Variants in FOCAD observed in about 807,000 individuals in gnomAD.
The protein encoded by FOCAD is focadhesin.
Under a neutral mutation model 225.6 loss-of-function variants are expected in FOCAD, and 198 were observed. The ratio of observed to expected loss-of-function variants is 0.88; its 90% CI spans 0.78 to 0.99. The LOEUF is 0.99. FOCAD is among the 50% of genes least tolerant of loss of function. The pLI is 0.00. For missense variants in FOCAD, 2,713 were observed against 2,123.6 expected, an observed-to-expected ratio of 1.28 and a Z score of -5.46; for synonymous variants, 897 against 755.0, an observed-to-expected ratio of 1.19 and a Z score of -3.08.
At chr9:20,687,991 A>T (rs1822763046) in intron 1 of FOCAD, among the ~76,000 whole-genome samples, 1 of 152,212 alleles carries the variant, frequency 6.6e-6, no homozygotes, top group Non-Finnish European at 1.5e-5. Flanking sequence ...CATTCTGGGC[A>T]CAAGAAAGCA....
intron 15 of FOCAD, among the ~76,000 whole-genome samples, chr9:20,839,124 A>G (rs79370176): frequency 0.014 from 2,079 of 151,916 alleles, 30 homozygotes; most frequent in Non-Finnish European, 0.024. Flanking sequence ...TTGTGTGCCT[A>G]TATAGGGGTG....
chr9:20,813,703 G>T (rs1823335502), intron 11 of FOCAD, among the ~76,000 whole-genome samples: 1 of 152,170 alleles, frequency 6.6e-6, no homozygotes, highest in African/African-American at 2.4e-5. Flanking sequence ...ACATGCTGTT[G>T]CTGTTGGGTA....
intron 42 of FOCAD, among the ~76,000 whole-genome samples, chr9:20,991,299 C>T (rs1841650192): frequency 1.3e-5 from 2 of 152,094 alleles, no homozygotes; most frequent in African/African-American, 4.8e-5. Flanking sequence ...CTCATTTAAT[C>T]AAAACTGGAT....
intron 5 of FOCAD, among the ~76,000 whole-genome samples, chr9:20,756,351 A>G (rs1282086889): frequency 2.0e-5 from 3 of 152,144 alleles, no homozygotes; most frequent in Non-Finnish European, 4.4e-5. Flanking sequence ...AGTGTCAGAG[A>G]GGTGTTTCAC....
rs369373924 is a variant in FOCAD, at chr9:20,950,975, C to T, written c.3949-21C>T. 68 of 1,591,362 alleles carry T rather than the reference C, an allele frequency of 4.3e-5. No individual in the cohort carries two copies. The African/African-American group carries it at 8.1e-4, about 19-fold the overall frequency. Reference sequence around the variant, plus strand: ...ACTTGGATCTTATCCCATCATTGAACTGTTACCTTTTTATTTGTAGGTCAT... The same window carrying T: ...ACTTGGATCTTATCCCATCATTGAATTGTTACCTTTTTATTTGTAGGTCAT... On this transcript the variant is annotated intron_variant, in intron 33 of 43. Coordinates refer to ENST00000338382, the MANE Select transcript of FOCAD (RefSeq NM_001375567.1).
At chr9:20,866,888 CTTTTTTTTTTTTTTTTTTT>C (rs10629839) in intron 17 of FOCAD, 22 bp from the exon 18 acceptor site, 4 of 342,128 alleles carry the variant, frequency 1.2e-5, no homozygotes, top group South Asian at 3.7e-5. Flanking sequence ...TGTTTGCTTG[CTTTTTTTTTTTTTTTTTTT>C]TTTTTTTTTT....
In FOCAD at chr9:20,829,491, G is replaced by A. The variant is rs190901048; in HGVS notation, c.1920+6376G>A. ...ATGTAGTTTTCATTTGCATTTCCCC[G>A]ATGACTAATATTGAGCATCTTTTCC... is the stretch of plus-strand genomic sequence containing the variant. On this transcript the variant is annotated intron_variant, in intron 15 of 43. Transcript: ENST00000338382. Among the ~76,000 whole-genome samples the A allele has an allele frequency of 3.2e-3, 493 of 151,796 alleles. 20 individuals are homozygous for A. Among genetic ancestry groups the A allele is most frequent in the Admixed American group, 0.03 (456 of 15,222 alleles).
chr9:20,903,091 G>A (rs1326099498), intron 21 of FOCAD, among the ~76,000 whole-genome samples: 1 of 151,878 alleles, frequency 6.6e-6, no homozygotes, highest in Non-Finnish European at 1.5e-5. Flanking sequence ...GTCAAGATGA[G>A]AAGGTTCTAC....
At chr9:20,700,363 AAC>A (rs1419103697) in intron 1 of FOCAD, among the ~76,000 whole-genome samples, 1 of 152,132 alleles carries the variant, frequency 6.6e-6, no homozygotes, top group Non-Finnish European at 1.5e-5. Flanking sequence ...ACAGTGAAGA[AAC>A]AGTCTTGTTA....
At chr9:20,781,149 T>C (rs997523214) in intron 9 of FOCAD, among the ~76,000 whole-genome samples, 1 of 152,260 alleles carries the variant, frequency 6.6e-6, no homozygotes, top group African/African-American at 2.4e-5. Flanking sequence ...AAATCAGTTA[T>C]TGTATAACTG....
intron 30 of FOCAD, 44 bp from the exon 31 acceptor site, chr9:20,948,225 CTT>C: frequency 2.2e-6 from 3 of 1,393,474 alleles, no homozygotes; most frequent in Non-Finnish European, 2.9e-6. Context: ...AAATCTGTGT[CTT>C]TTTTTTTTCT....
In FOCAD at chr9:20,995,652, C is replaced by T; in HGVS notation, c.*23C>T. On this transcript the variant is annotated 3_prime_UTR_variant, in exon 44 of 44. Coordinates refer to ENST00000338382, the MANE Select transcript of FOCAD (RefSeq NM_001375567.1). ...TGAACAGTTTTGCAGTAACCAGCAG[C>T]ATTCTCAGCTGGATGAGGAAAACCA... is the stretch of plus-strand genomic sequence containing the variant. 1 of 1,600,556 alleles carries T rather than the reference C, an allele frequency of 6.2e-7. No individual in the cohort carries two copies. Among genetic ancestry groups the T allele is most frequent in the Non-Finnish European group, 8.6e-7 (1 of 1,168,550 alleles).
At chr9:20,951,144 C>G in intron 34 of FOCAD, 46 bp downstream of exon 34, 3 of 1,422,606 alleles carry the variant, frequency 2.1e-6, no homozygotes, top group Non-Finnish European at 2.0e-6. Context: ...GGAGGGATTG[C>G]CGACCCAGCG....
chr9:20,891,642 G>A (rs1831623314), intron 21 of FOCAD, among the ~76,000 whole-genome samples: 1 of 152,162 alleles, frequency 6.6e-6, no homozygotes, highest in African/African-American at 2.4e-5. Context: ...AGAGAGGTGA[G>A]GAAACTGCAG....
chr9:20,756,760 G>C (rs1215869897), intron 5 of FOCAD, among the ~76,000 whole-genome samples: 2 of 152,118 alleles, frequency 1.3e-5, no homozygotes, highest in East Asian at 1.9e-4. Context: ...TCACCATGAA[G>C]GCAATCTTAA....
intron 28 of FOCAD, 91 bp downstream of exon 28, chr9:20,933,194 A>T (rs1835650521): frequency 2.2e-6 from 2 of 916,578 alleles, no homozygotes; most frequent in African/African-American, 1.7e-5. Flanking sequence ...AATATTTTTT[A>T]TTTTTATTTT....
chr9:20,741,095 C>T (rs1827577207), intron 5 of FOCAD, among the ~76,000 whole-genome samples: 1 of 152,110 alleles, frequency 6.6e-6, no homozygotes, highest in Admixed American at 6.6e-5. Flanking sequence ...AGAATGACAG[C>T]ATGGAACCAT....
chr9:20,819,468 G>A (rs894283852), intron 11 of FOCAD, among the ~76,000 whole-genome samples: 4 of 151,982 alleles, frequency 2.6e-5, no homozygotes, highest in African/African-American at 9.7e-5. Flanking sequence ...CCTGCCTTGC[G>A]TTCTCAAAGT....
intron 18 of FOCAD, among the ~76,000 whole-genome samples, chr9:20,871,657 A>C (rs1433715249): frequency 6.7e-6 from 1 of 149,906 alleles, no homozygotes; most frequent in African/African-American, 2.5e-5. Context: ...AAAAATTTAA[A>C]AAAAAAAACC....
Sources: allele counts gnomAD v4.1 joint callset (sites outside exome capture counted in the v4.1 genomes callset), GRCh38; gene constraint gnomAD v4.1.1; transcripts MANE v1.5; gene names NCBI Gene and HGNC (gene_info 2026-07-23, HGNC 2026-07-21).